The following PTPRG variants were observed in gnomAD, a reference collection of about 807,000 sequenced individuals.
The protein encoded by PTPRG is protein tyrosine phosphatase receptor type G.
In PTPRG, 102 loss-of-function variants were observed where a neutral mutation model predicts 165.3. The ratio of observed to expected loss-of-function variants is 0.62; its 90% CI spans 0.53 to 0.73. The LOEUF (loss-of-function observed/expected upper bound fraction) is 0.73, where lower values mean the gene tolerates loss of function less well. Among genes scored for constraint, PTPRG ranks in the 30% least tolerant of loss-of-function variants. PTPRG has a pLI of 0.00. For synonymous variants in PTPRG, 675 were observed against 669.5 expected (o/e 1.01, Z -0.13); for missense variants, 1,866 against 1,861.4 (o/e 1.00, Z -0.05).
At chr3:61,746,208 ATT>A (rs750697053) in intron 1 of PTPRG, among the ~76,000 whole-genome samples, 8 of 81,322 alleles carry the variant, frequency 9.8e-5, no homozygotes, top group African/African-American at 3.8e-4. Flanking sequence ...ACACACTCTA[ATT>A]TTTTTTTTTT....
At chr3:62,268,622 G>A (rs1297196571) in intron 19 of PTPRG, among the ~76,000 whole-genome samples, 2 of 152,138 alleles carry the variant, frequency 1.3e-5, no homozygotes, top group Non-Finnish European at 2.9e-5. Flanking sequence ...ACAATAAGAA[G>A]AGTCTCACAG....
At chr3:61,617,521 A>G (rs1018069735) in intron 1 of PTPRG, among the ~76,000 whole-genome samples, 2 of 152,224 alleles carry the variant, frequency 1.3e-5, no homozygotes, top group Admixed American at 6.5e-5. Context: ...TCCAAGAACC[A>G]GATGGCCTTC....
At chr3:62,164,198 T>C (rs1704878294) in intron 7 of PTPRG, among the ~76,000 whole-genome samples, 1 of 152,154 alleles carries the variant, frequency 6.6e-6, no homozygotes, top group South Asian at 2.1e-4. Flanking sequence ...GGGGACACTT[T>C]CTCATGGTGG....
intron 1 of PTPRG, among the ~76,000 whole-genome samples, chr3:61,734,233 T>C (rs188085000): frequency 6.6e-6 from 1 of 152,338 alleles, no homozygotes; most frequent in African/African-American, 2.4e-5. Context: ...ACCTCAGATA[T>C]CATGTATGAT....
At chr3:61,978,806 A>G (rs1410951202) in intron 2 of PTPRG, among the ~76,000 whole-genome samples, 4 of 152,204 alleles carry the variant, frequency 2.6e-5, no homozygotes, top group Non-Finnish European at 5.9e-5. Flanking sequence ...GGATATGACC[A>G]AGTTCCAATA....
rs190012834 is a variant in PTPRG at position 61,837,563 on chromosome 3, C to T, written c.190+88581C>T. 1.6e-3 allele frequency among the ~76,000 whole-genome samples: 240 copies of T among 152,216 alleles called. 1 individual carries two copies. Among genetic ancestry groups the T allele is most frequent in the Middle Eastern group, 6.8e-3 (2 of 294 alleles). On this transcript the variant is annotated intron_variant, in intron 2 of 29. Transcript: ENST00000474889. Reference sequence around the variant, plus strand: ...CTGAATAGTACGTCATAGACAAGAGCGGATCAGCAGCATTGATTGAACAAT... The same window carrying T: ...CTGAATAGTACGTCATAGACAAGAGTGGATCAGCAGCATTGATTGAACAAT...
intron 5 of PTPRG, among the ~76,000 whole-genome samples, chr3:62,130,519 G>A (rs1242535058): frequency 6.6e-6 from 1 of 152,158 alleles, no homozygotes; most frequent in Admixed American, 6.5e-5. Flanking sequence ...ACAGATATTA[G>A]AGTAACTAAC....
intron 2 of PTPRG, among the ~76,000 whole-genome samples, chr3:61,888,134 A>G (rs11712371): frequency 0.11 from 16,424 of 152,062 alleles, 1,415 homozygotes; most frequent in African/African-American, 0.24. Context: ...CTTAGAGAAA[A>G]GTTGAAAGAA....
chr3:61,602,515 G>A (rs1700898262), intron 1 of PTPRG, among the ~76,000 whole-genome samples: 1 of 152,190 alleles, frequency 6.6e-6, no homozygotes, highest in South Asian at 2.1e-4. Flanking sequence ...TTCAAATTAC[G>A]CCTGTATTGG....
chr3:61,965,014 G>A (rs773756384), intron 2 of PTPRG, among the ~76,000 whole-genome samples: 1 of 152,102 alleles, frequency 6.6e-6, no homozygotes, highest in Non-Finnish European at 1.5e-5. Flanking sequence ...AGGCCAAGGT[G>A]GGCGGATCAC....
intron 2 of PTPRG, among the ~76,000 whole-genome samples, chr3:61,976,982 G>A (rs560499709): frequency 7.8e-4 from 119 of 151,846 alleles, no homozygotes; most frequent in Admixed American, 9.2e-4. Flanking sequence ...AGCTTATAGG[G>A]GTCTTTTTCT....
chr3:62,031,160 CT>C (rs1699757751), intron 4 of PTPRG, among the ~76,000 whole-genome samples: 1 of 152,176 alleles, frequency 6.6e-6, no homozygotes, highest in Non-Finnish European at 1.5e-5. Flanking sequence ...TGTATACCAG[CT>C]TATGTGTCAG....
chr3:62,126,063 C>G (rs1703280619), intron 5 of PTPRG, among the ~76,000 whole-genome samples: 1 of 152,144 alleles, frequency 6.6e-6, no homozygotes. Flanking sequence ...GTTTGATCCT[C>G]ATGAAAATGA....
rs180875598 is a variant in PTPRG, at chr3:62,102,253, T to G, written c.615+23995T>G. The stretch of plus-strand genomic sequence containing the variant: ...GTGTTTGGACACCTTTCTTTCTGTC[T>G]TCCTTTCTTTCCTTTCTTCCCTTTC... On this transcript the variant is annotated intron_variant, in intron 5 of 29. Transcript: ENST00000474889. Among the ~76,000 whole-genome samples, 220 of 152,160 alleles carry G rather than the reference T, an allele frequency of 1.4e-3. 3 individuals carry two copies. Among genetic ancestry groups the G allele is most frequent in the Non-Finnish European group, 5.0e-4 (34 of 68,006 alleles).
At chr3:61,718,970 T>C (rs2031935944) in intron 1 of PTPRG, among the ~76,000 whole-genome samples, 1 of 152,170 alleles carries the variant, frequency 6.6e-6, no homozygotes, top group Non-Finnish European at 1.5e-5. Context: ...TTTGTTGACT[T>C]AATGGATTGT....
At chr3:62,181,491 G>A (rs1212637412) in intron 8 of PTPRG, among the ~76,000 whole-genome samples, 1 of 151,838 alleles carries the variant, frequency 6.6e-6, no homozygotes, top group Non-Finnish European at 1.5e-5. Context: ...TGAGATTTCA[G>A]TTCAAACTAT....
intron 1 of PTPRG, among the ~76,000 whole-genome samples, chr3:61,725,865 G>A (rs2032235732): frequency 1.3e-5 from 2 of 151,986 alleles, no homozygotes; most frequent in South Asian, 2.1e-4. Context: ...ATTCCTTTCT[G>A]GATTCCAATT....
intron 2 of PTPRG, among the ~76,000 whole-genome samples, chr3:61,857,106 C>G (rs1170173911): frequency 6.6e-6 from 1 of 151,762 alleles, no homozygotes; most frequent in African/African-American, 2.4e-5. Flanking sequence ...TTTTTACCCC[C>G]TCTCTCAACA....
At chr3:61,930,015 A>G (rs2039319179) in intron 2 of PTPRG, among the ~76,000 whole-genome samples, 1 of 151,764 alleles carries the variant, frequency 6.6e-6, no homozygotes, top group Non-Finnish European at 1.5e-5. Context: ...GACATACTTA[A>G]TGGTAGAATA....
Sources: gnomAD v4.1 joint callset for allele counts (sites outside exome capture counted in the v4.1 genomes callset) on GRCh38, gnomAD v4.1.1 for gene constraint, MANE v1.5 for transcripts, NCBI Gene and HGNC (gene_info 2026-07-23, HGNC 2026-07-21) for gene names.